The following SVOPL variants were observed in gnomAD, a reference collection of about 807,000 sequenced individuals.
The protein encoded by SVOPL is SVOP like.
Under a neutral mutation model 61.0 loss-of-function variants are expected in SVOPL, and 60 were observed. The ratio of observed to expected loss-of-function variants is 0.98; its 90% CI spans 0.80 to 1.22. The LOEUF (loss-of-function observed/expected upper bound fraction) is 1.22. SVOPL is among the 50% of genes most tolerant of loss of function. SVOPL has a pLI of 0.00. For missense variants in SVOPL, 662 were observed against 643.9 expected, an observed-to-expected ratio of 1.03 and a Z score of -0.30; for synonymous variants, 279 against 250.0, an observed-to-expected ratio of 1.12 and a Z score of -1.09.
chr7:138,668,362 T>C (rs1341009236), intron 4 of SVOPL, among the ~76,000 whole-genome samples: 2 of 152,018 alleles, frequency 1.3e-5, no homozygotes, highest in African/African-American at 4.8e-5. Flanking sequence ...TCTATTGCAA[T>C]TCCCCTGTCT....
intron 1 of SVOPL, among the ~76,000 whole-genome samples, chr7:138,687,394 C>A (rs1293484958): frequency 6.6e-6 from 1 of 151,516 alleles, no homozygotes; most frequent in Non-Finnish European, 1.5e-5. Context: ...CACCACCATG[C>A]CCAGCAAATT....
chr7:138,621,822 G>GTATCTATCTATGTATC lies in SVOPL; in HGVS notation c.1264-688_1264-687insGATACATAGATAGATA, dbSNP rs113136641. On this transcript the variant is annotated intron_variant, in intron 13 of 15. Coordinates refer to ENST00000674285, the MANE Select transcript of SVOPL (RefSeq NM_001139456.2). ...TCTATGTATCTATCTATGTATCTAT[G>GTATCTATCTATGTATC]TATCTATGTATCTATCTATCTATGT... is the stretch of plus-strand genomic sequence containing the variant. 1.1e-3 allele frequency among the ~76,000 whole-genome samples: 15 copies of GTATCTATCTATGTATC among 13,416 alleles called. 1 individual carries two copies. Among genetic ancestry groups the GTATCTATCTATGTATC allele is most frequent in the South Asian group, 3.9e-3 (2 of 508 alleles). The allele number at this position is 13,416 out of a possible 152,430, so 8.8% of individuals were successfully genotyped here.
intron 5 of SVOPL, chr7:138,660,218 G>T (rs1801943645): frequency 1.6e-6 from 2 of 1,268,168 alleles, no homozygotes; most frequent in Admixed American, 7.2e-5. Flanking sequence ...AAACTACCAT[G>T]CTGTGCCCAC....
chr7:138,604,720 G>C (rs1272456181), intron 14 of SVOPL, among the ~76,000 whole-genome samples: 1 of 145,690 alleles, frequency 6.9e-6, no homozygotes, highest in Non-Finnish European at 1.5e-5. Context: ...AGAAATAATG[G>C]AAACAATGAA....
At chr7:138,679,176 C>T (rs1802647803) in intron 1 of SVOPL, 97 bp from the exon 2 acceptor site, 3 of 826,686 alleles carry the variant, frequency 3.6e-6, no homozygotes, top group Non-Finnish European at 5.6e-6. Flanking sequence ...TCCTGAAGCC[C>T]TCACAAAAAT....
Position 138,626,231 on chromosome 7 carries a change from T to G in SVOPL, c.1182-181A>C. The G allele has an allele frequency of 1.3e-5, 8 of 599,704 alleles. No individual in the cohort carries two copies. The South Asian group carries it at 1.6e-4, about 12-fold the overall frequency. The allele number at this position is 599,704 out of a possible 1,614,324, so 37.1% of individuals were successfully genotyped here. On this transcript the variant is annotated intron_variant, in intron 12 of 15. Transcript: ENST00000674285. ...CCTTAAGCAAACCTCCTTCCAATCT[T>G]ACTCCCACTGCCTTCTCCATTCCCC... is the stretch of plus-strand genomic sequence containing the variant.
intron 1 of SVOPL, among the ~76,000 whole-genome samples, chr7:138,696,415 T>G (rs774810011): frequency 1.3e-5 from 2 of 151,406 alleles, no homozygotes; most frequent in South Asian, 2.1e-4. Context: ...GTTGTTGTTG[T>G]TTGTTGTTGT....
chr7:138,601,698 A>T (rs781637883), intron 14 of SVOPL, among the ~76,000 whole-genome samples: 3 of 152,230 alleles, frequency 2.0e-5, no homozygotes, highest in Admixed American at 6.5e-5. Context: ...AATATAAAAC[A>T]TAATTTGATA....
chr7:138,602,076 G>A (rs1798547348), intron 14 of SVOPL, among the ~76,000 whole-genome samples: 1 of 152,126 alleles, frequency 6.6e-6, no homozygotes, highest in African/African-American at 2.4e-5. Context: ...GGGCATGGTG[G>A]TGCATGCTTA....
chr7:138,632,953 T>C (rs982304918), intron 9 of SVOPL, among the ~76,000 whole-genome samples: 4 of 152,208 alleles, frequency 2.6e-5, no homozygotes, highest in Admixed American at 6.5e-5. Context: ...TTTACACTAT[T>C]GACAATCAGA....
In SVOPL at chr7:138,628,196, T is replaced by C. The variant is rs1376465639; in HGVS notation, c.1031A>G (p.Tyr344Cys). The C allele has an allele frequency of 6.2e-7, 1 of 1,614,046 alleles. No individual in the cohort carries two copies. The highest frequency in any genetic ancestry group is 8.5e-7 in the Non-Finnish European group (1 of 1,180,038). Residue 344 changes from tyrosine to cysteine, a missense_variant, in exon 11 of 16, where the codon TAT (tyrosine) becomes TGT (cysteine). Tyr to Cys is a radical substitution (Grantham distance 194). Coordinates refer to ENST00000674285, the MANE Select transcript of SVOPL (RefSeq NM_001139456.2). ...CYCHMFAPSD[Y>C]RTMIISTIGE... ...GATGGTGCTGATGATCATGGTCCGA[T>C]AGTCAGAGGGTGCAAACATGTGGCA...
intron 10 of SVOPL, among the ~76,000 whole-genome samples, chr7:138,629,121 T>TTATA (rs796180145): frequency 4.9e-5 from 5 of 102,894 alleles, no homozygotes; most frequent in African/African-American, 1.8e-4. Context: ...TAAGCATGTT[T>TTATA]TATATATGTG....
In SVOPL at chr7:138,686,562, G is replaced by GT. The variant is rs979219572; in HGVS notation, c.-34-7484dup. 8.2e-3 allele frequency among the ~76,000 whole-genome samples: 552 copies of GT among 66,956 alleles called. 1 individual carries two copies. The highest frequency in any genetic ancestry group is 0.014 in the African/African-American group (170 of 12,256). 43.9% of individuals were successfully genotyped at this position (66,956 alleles called of 152,430 possible). On this transcript the variant is annotated intron_variant, in intron 1 of 15. Coordinates refer to ENST00000674285, the MANE Select transcript of SVOPL (RefSeq NM_001139456.2). ...GCCTAAGGAGTTTTTTGTTTTTTGG[G>GT]TTTTTTTTTTTTTTTTTTTTGAGAC...
chr7:138,683,015 G>T (rs1381867232), intron 1 of SVOPL, among the ~76,000 whole-genome samples: 1 of 150,642 alleles, frequency 6.6e-6, no homozygotes, highest in Non-Finnish European at 1.5e-5. Context: ...ATGTGAGAGA[G>T]ATATAGATAC....
At chr7:138,669,609 G>T (rs549656929) in intron 4 of SVOPL, among the ~76,000 whole-genome samples, 2 of 152,136 alleles carry the variant, frequency 1.3e-5, no homozygotes, top group Non-Finnish European at 2.9e-5. Context: ...CTTTGTTCCT[G>T]TGCAACTCCA....
chr7:138,608,061 C>A (rs1451898730), intron 14 of SVOPL, among the ~76,000 whole-genome samples: 1 of 152,106 alleles, frequency 6.6e-6, no homozygotes, highest in African/African-American at 2.4e-5. Flanking sequence ...CATAGCAAGA[C>A]ACATAGGATC....
Position 138,630,177 on chromosome 7 carries a change from A to G in SVOPL, c.790-55T>C, listed in dbSNP as rs1458997160. 6 of 1,419,376 alleles carry G rather than the reference A, an allele frequency of 4.2e-6. No individual in the cohort carries two copies. In the African/African-American group the frequency reaches 8.5e-5, roughly 20 times the overall value. 87.9% of individuals were successfully genotyped at this position (1,419,376 alleles called of 1,614,324 possible). ...CTCAGCAGCTTAAGGATGAACGGAG[A>G]TGTTTCCACTGTTTTCGATCATAGA... On this transcript the variant is annotated intron_variant, in intron 9 of 15. Coordinates refer to ENST00000674285, the MANE Select transcript of SVOPL (RefSeq NM_001139456.2).
chr7:138,600,606 GA>G lies in SVOPL; in HGVS notation c.1354-4077del, dbSNP rs377058118. 5.3e-3 allele frequency among the ~76,000 whole-genome samples: 763 copies of G among 144,164 alleles called. 7 individuals carry two copies. The highest frequency in any genetic ancestry group is 0.018 in the African/African-American group (696 of 39,372). The allele number at this position is 144,164 out of a possible 152,430, so 94.6% of individuals were successfully genotyped here. A position where few individuals can be genotyped will look rare whatever the true frequency, so the allele number is the denominator to read the frequency against. On this transcript the variant is annotated intron_variant, in intron 14 of 15. Transcript: ENST00000674285. The stretch of plus-strand genomic sequence containing the variant: ...GACAGAGCGAGACAGTGTCTCAAAA[GA>G]AAAAAAAAATGCTATCCCTTTTGGT...
At chr7:138,618,441 C>T (rs1259127910) in intron 14 of SVOPL, among the ~76,000 whole-genome samples, 1 of 151,990 alleles carries the variant, frequency 6.6e-6, no homozygotes, top group East Asian at 1.9e-4. Flanking sequence ...GGGCCGATCA[C>T]CTGAGGTCAG....
Sources: allele counts gnomAD v4.1 joint callset (sites outside exome capture counted in the v4.1 genomes callset), GRCh38; gene constraint gnomAD v4.1.1; transcripts MANE v1.5; gene names NCBI Gene and HGNC (gene_info 2026-07-23, HGNC 2026-07-21).